MYRIP: variants seen among roughly 807,000 people sequenced by gnomAD.
MYRIP encodes the protein rab effector MyRIP.
A neutral mutation model predicts 98.0 loss-of-function variants in MYRIP; 49 were observed. That is an observed-to-expected ratio of 0.50 (90% CI 0.40 to 0.63). The LOEUF is 0.63. Among genes scored for constraint, MYRIP ranks in the 30% least tolerant of loss-of-function variants. MYRIP has a pLI of 0.00. For synonymous variants in MYRIP, 404 were observed against 409.5 expected (o/e 0.99, Z 0.16); for missense variants, 1,004 against 1,058.2 (o/e 0.95, Z 0.71).
rs1952024726 is a variant in MYRIP at position 40,213,506 on chromosome 3, A to G, written c.1905+3413A>G. On this transcript the variant is annotated intron_variant, in intron 11 of 16. Transcript: ENST00000302541. The stretch of plus-strand genomic sequence containing the variant: ...CATTTGGTGCTCCTTGATGCTATGC[A>G]GAGTGTAAGTGTGGAAATCACTACA... 2.0e-5 allele frequency among the ~76,000 whole-genome samples: 3 copies of G among 152,254 alleles called. No homozygotes were observed. The South Asian group carries it at 6.2e-4, about 32-fold the overall frequency.
chr3:40,179,458 A>T (rs1950838423), intron 8 of MYRIP, among the ~76,000 whole-genome samples: 1 of 152,236 alleles, frequency 6.6e-6, no homozygotes. Context: ...TCCCATAAAA[A>T]AGGACCCCAG....
intron 2 of MYRIP, among the ~76,000 whole-genome samples, chr3:39,949,111 CA>C (rs1944956824): frequency 6.6e-6 from 1 of 152,088 alleles, no homozygotes. Flanking sequence ...CATTGAAATG[CA>C]AAAATACTGA....
At chr3:40,226,625 T>C (rs946380285) in intron 11 of MYRIP, among the ~76,000 whole-genome samples, 2 of 152,122 alleles carry the variant, frequency 1.3e-5, no homozygotes, top group Non-Finnish European at 2.9e-5. Context: ...CTAATACAAA[T>C]CCCGGCTTCT....
At chr3:39,814,973 C>T (rs1940849902) in intron 1 of MYRIP, among the ~76,000 whole-genome samples, 2 of 152,126 alleles carry the variant, frequency 1.3e-5, no homozygotes, top group Admixed American at 6.5e-5. Flanking sequence ...TTGTATTAGG[C>T]ACCTTATAGG....
chr3:40,245,037 A>G (rs1171742142), intron 13 of MYRIP, among the ~76,000 whole-genome samples: 1 of 152,216 alleles, frequency 6.6e-6, no homozygotes, highest in Non-Finnish European at 1.5e-5. Context: ...GTGGCTTAAC[A>G]TGTAACTCCA....
chr3:39,891,907 GT>G (rs11405270), intron 1 of MYRIP, among the ~76,000 whole-genome samples: 1 of 150,540 alleles, frequency 6.6e-6, no homozygotes, highest in African/African-American at 2.4e-5. Flanking sequence ...TACCTTTTCT[GT>G]TTTTTTTCTT....
At chr3:40,042,682 T>C (rs1426596085) in intron 2 of MYRIP, among the ~76,000 whole-genome samples, 1 of 151,978 alleles carries the variant, frequency 6.6e-6, no homozygotes, top group Non-Finnish European at 1.5e-5. Flanking sequence ...AAAACAATAG[T>C]AGTAGTAAAT....
At chr3:40,138,382 C>T (rs1949826005) in intron 3 of MYRIP, among the ~76,000 whole-genome samples, 2 of 152,176 alleles carry the variant, frequency 1.3e-5, no homozygotes, top group Non-Finnish European at 2.9e-5. Context: ...GATGAGAAAA[C>T]TGTAGCTCTA....
At chr3:40,145,192 C>T (rs1949983406) in intron 3 of MYRIP, among the ~76,000 whole-genome samples, 1 of 152,142 alleles carries the variant, frequency 6.6e-6, no homozygotes, top group African/African-American at 2.4e-5. Context: ...CCACTTCCAC[C>T]AGCACCCGTA....
intron 3 of MYRIP, among the ~76,000 whole-genome samples, chr3:40,129,426 G>T (rs1949590231): frequency 9.7e-6 from 1 of 102,624 alleles, no homozygotes. Flanking sequence ...GGGCGACAGA[G>T]TGAGACTCTG....
intron 1 of MYRIP, among the ~76,000 whole-genome samples, chr3:39,888,431 G>A (rs949253777): frequency 2.0e-4 from 30 of 151,922 alleles, no homozygotes; most frequent in Admixed American, 2.0e-4. Context: ...AATGGGGAAA[G>A]GATTCCCTAT....
chr3:39,858,891 TTC>T (rs1942381595), intron 1 of MYRIP, among the ~76,000 whole-genome samples: 2 of 151,862 alleles, frequency 1.3e-5, no homozygotes, highest in African/African-American at 4.8e-5. Context: ...GTAAAAGCAG[TTC>T]TGAGAGGGAA....
Position 40,212,243 on chromosome 3 carries a change from C to CGT in MYRIP, c.1905+2150_1905+2151insGT, listed in dbSNP as rs1559456910. Among the ~76,000 whole-genome samples, 12 of 27,082 alleles carry CGT rather than the reference C, an allele frequency of 4.4e-4. 4 individuals are homozygous for CGT. Among genetic ancestry groups the CGT allele is most frequent in the East Asian group, 1.3e-3 (1 of 784 alleles). The allele number at this position is 27,082 out of a possible 152,430, so 17.8% of individuals were successfully genotyped here. A position where few individuals can be genotyped will look rare whatever the true frequency, so the allele number is the denominator to read the frequency against. ...ATATATATACACACACACACACACACACATATATATATATACACGTATATA... is the reference window on the plus strand; with the variant it reads ...ATATATATACACACACACACACACACGTACATATATATATATACACGTATATA... On this transcript the variant is annotated intron_variant, in intron 11 of 16. Coordinates refer to ENST00000302541, the MANE Select transcript of MYRIP (RefSeq NM_015460.4).
At chr3:40,011,037 A>G (rs1161258234) in intron 2 of MYRIP, among the ~76,000 whole-genome samples, 1 of 139,120 alleles carries the variant, frequency 7.2e-6, no homozygotes, top group Admixed American at 7.0e-5. Context: ...TGAGAACCCA[A>G]GTTCCTGCAT....
chr3:40,007,885 G>T (rs1191170382), intron 2 of MYRIP, among the ~76,000 whole-genome samples: 3 of 152,190 alleles, frequency 2.0e-5, no homozygotes, highest in Admixed American at 1.3e-4. Context: ...TCCACATTAT[G>T]CAGGGTGATC....
intron 2 of MYRIP, among the ~76,000 whole-genome samples, chr3:40,031,165 C>T (rs906589587): frequency 1.3e-5 from 2 of 152,004 alleles, no homozygotes; most frequent in Admixed American, 6.6e-5. Flanking sequence ...GGTGTCTGTC[C>T]GCTTCCTGGT....
chr3:39,991,965 C>A (rs1946191050), intron 2 of MYRIP, among the ~76,000 whole-genome samples: 1 of 152,080 alleles, frequency 6.6e-6, no homozygotes, highest in South Asian at 2.1e-4. Flanking sequence ...GATTAAATAA[C>A]CTTCCAAAAT....
At chr3:40,195,574 G>C (rs1022919567) in intron 10 of MYRIP, among the ~76,000 whole-genome samples, 1 of 152,194 alleles carries the variant, frequency 6.6e-6, no homozygotes, top group African/African-American at 2.4e-5. Flanking sequence ...GGGATTACAG[G>C]CATGAGCCAC....
At chr3:39,827,868 T>C (rs1941317921) in intron 1 of MYRIP, among the ~76,000 whole-genome samples, 1 of 142,152 alleles carries the variant, frequency 7.0e-6, no homozygotes, top group African/African-American at 2.6e-5. Flanking sequence ...TATAATATTC[T>C]TGATTGGCAG....
Sources: allele counts gnomAD v4.1 joint callset (sites outside exome capture counted in the v4.1 genomes callset), GRCh38; gene constraint gnomAD v4.1.1; transcripts MANE v1.5; gene names NCBI Gene and HGNC (gene_info 2026-07-23, HGNC 2026-07-21).